USP50: variants seen among roughly 807,000 people sequenced by gnomAD.
USP50 encodes the protein ubiquitin specific peptidase 50, also known as ubiquitin carboxyl-terminal hydrolase 50.
A neutral mutation model predicts 39.2 loss-of-function variants in USP50; 37 were observed. That is an observed-to-expected ratio of 0.94 (90% CI 0.73 to 1.24). The LOEUF (loss-of-function observed/expected upper bound fraction) is 1.24, where lower values mean the gene tolerates loss of function less well. USP50 is among the 50% of genes most tolerant of loss of function. The pLI is 0.00. For missense variants in USP50, 374 were observed against 398.2 expected, an observed-to-expected ratio of 0.94 and a Z score of 0.52; for synonymous variants, 139 against 144.5, an observed-to-expected ratio of 0.96 and a Z score of 0.27.
rs759561708 is a variant in USP50 at position 50,541,119 on chromosome 15, C to T, written c.590G>A (p.Cys197Tyr). 8 of 1,613,776 alleles carry T rather than the reference C, an allele frequency of 5.0e-6. No homozygotes were observed. The East Asian group carries it at 1.6e-4, about 31-fold the overall frequency. ...AGTGAAGACTTCGTTCTTGTAGGTG[C>T]ATTTCTCACACTTTAAACATACGAT... ...YSIVCLKCEK[C>Y]TYKNEVFTVF... is the part of the protein sequence containing the mutation. The change falls in exon 4 of 7, where the codon TGC (cysteine) becomes TAC (tyrosine). Residue 197 changes from cysteine (C) to tyrosine (Y), a missense_variant. By Grantham distance (194) the Cys-to-Tyr change is radical. Transcript: ENST00000532404.
chr15:50,503,870 G>A (rs560802915), intron 6 of USP50: 1 of 152,250 alleles, frequency 6.6e-6, no homozygotes, highest in African/African-American at 2.4e-5. Context: ...TTTATCATAA[G>A]AGTCAGAAGG....
At chr15:50,511,463 C>A (rs935769401) in intron 6 of USP50, 2 of 152,130 alleles carry the variant, frequency 1.3e-5, no homozygotes, top group East Asian at 1.9e-4. Flanking sequence ...ACAGAAAATC[C>A]TGTACATAAA....
At chr15:50,506,830 C>CT (rs1330154454) in intron 6 of USP50, 25 of 151,636 alleles carry the variant, frequency 1.6e-4, no homozygotes, top group Non-Finnish European at 2.9e-4. Context: ...TGGTGGCAGG[C>CT]GCCTATAGTC....
At chr15:50,515,318 T>G (rs2052793118) in intron 6 of USP50, among the ~76,000 whole-genome samples, 1 of 152,162 alleles carries the variant, frequency 6.6e-6, no homozygotes, top group African/African-American at 2.4e-5. Flanking sequence ...CTCGGCTCAC[T>G]GCAACCTCTG....
chr15:50,507,576 GCTAC>G (rs954859008), intron 6 of USP50: 7 of 152,070 alleles, frequency 4.6e-5, no homozygotes, highest in Non-Finnish European at 1.0e-4. Flanking sequence ...ATTTGAAACT[GCTAC>G]CTACCTAACA....
chr15:50,493,896 T>C (rs996093162), downstream of USP50: 2 of 822,500 alleles, frequency 2.4e-6, no homozygotes, highest in African/African-American at 3.3e-5. Context: ...GCTGAAGGGA[T>C]GTAAGCAAGT....
rs1466251248 is a variant in USP50, at chr15:50,542,043, A to AT, written c.445-780dup. 5.7e-5 allele frequency among the ~76,000 whole-genome samples: 7 copies of AT among 122,742 alleles called. No individual in the cohort carries two copies. In the East Asian group the frequency reaches 1.3e-3, roughly 22 times the overall value. 80.5% of individuals were successfully genotyped at this position (122,742 alleles called of 152,430 possible). On this transcript the variant is annotated intron_variant, in intron 3 of 6. Coordinates refer to ENST00000532404, the MANE Select transcript of USP50 (RefSeq NM_203494.5). ...ACAAAATCCTGTCTCTACAAGGTTA[A>AT]TTAAAAAAAAAAAAAAAAGATAAGA... is the stretch of plus-strand genomic sequence containing the variant.
intron 6 of USP50, among the ~76,000 whole-genome samples, chr15:50,517,398 G>A (rs1822797860): frequency 6.6e-6 from 1 of 152,004 alleles, no homozygotes; most frequent in Non-Finnish European, 1.5e-5. Context: ...CTTGAACCTG[G>A]GAGGCAGAAG....
intron 6 of USP50, among the ~76,000 whole-genome samples, chr15:50,517,790 C>T (rs2052814962): frequency 6.6e-6 from 1 of 152,190 alleles, no homozygotes; most frequent in Non-Finnish European, 1.5e-5. Flanking sequence ...ATGATCATGG[C>T]TCACTGCAGC....
At chr15:50,540,752 T>C (rs1275230137) in intron 4 of USP50, among the ~76,000 whole-genome samples, 2 of 152,066 alleles carry the variant, frequency 1.3e-5, no homozygotes, top group African/African-American at 4.8e-5. Flanking sequence ...GTCTCCCAAA[T>C]AGCTGGGATT....
chr15:50,499,251 T>TAACA (rs2052527876), downstream of USP50: 1 of 534,370 alleles, frequency 1.9e-6, no homozygotes. Context: ...TGCTGACAAA[T>TAACA]AACATTTAAC....
At chr15:50,493,776 T>TAA (rs1213602944), downstream of USP50, 2 of 498,482 alleles carry the variant, frequency 4.0e-6, no homozygotes, top group East Asian at 8.7e-5. Flanking sequence ...CTCTGATTAG[T>TAA]AAAGGACAGA....
At position 50,523,149 on chromosome 15, in the gene USP50, C is replaced by CA. The variant is rs554530067; in HGVS notation, c.936+6647dup. Among the ~76,000 whole-genome samples, 468 of 138,480 alleles carry CA rather than the reference C, an allele frequency of 3.4e-3. 6 individuals carry two copies. Among genetic ancestry groups the CA allele is most frequent in the African/African-American group, 0.012 (455 of 37,964 alleles). 90.8% of individuals were successfully genotyped at this position (138,480 alleles called of 152,430 possible). ...ATGAATTCCATAAAGTTGCAGGATA[C>CA]AAAATCAACATATAAAAATCAGTAG... On this transcript the variant is annotated intron_variant, in intron 6 of 6. Coordinates refer to ENST00000532404, the MANE Select transcript of USP50 (RefSeq NM_203494.5).
At chr15:50,495,066 G>A (rs1264251571) in intron 1 of USP50, among the ~76,000 whole-genome samples, 4 of 150,210 alleles carry the variant, frequency 2.7e-5, no homozygotes, top group African/African-American at 9.8e-5. Flanking sequence ...TGACTCATGT[G>A]ACTAGTTATT....
intron 1 of USP50, 26 bp downstream of exon 1, chr15:50,546,447 G>C (rs778561530): frequency 1.2e-6 from 2 of 1,612,832 alleles, no homozygotes; most frequent in Non-Finnish European, 1.7e-6. Flanking sequence ...GGCTAATCTA[G>C]AAAGCTGTAG....
Position 50,541,252 on chromosome 15 carries a change from G to C in USP50, c.457C>G (p.Arg153Gly), listed in dbSNP as rs775703411. The C allele has an allele frequency of 6.2e-7, 1 of 1,613,326 alleles. No homozygotes were observed. Among genetic ancestry groups the C allele is most frequent in the East Asian group, 2.2e-5 (1 of 44,876 alleles). Residue 153 changes from arginine to glycine, a missense_variant, in exon 4 of 7, where the codon CGG becomes GGG. Physicochemically the swap from Arg to Gly is moderately radical, Grantham distance 125. Transcript: ENST00000532404. ...HEALKKYHYS[R>G]RRSYEKGSTQ... ...GATCCTTTCTCATATGATCTTCTCCGGGAGTAGTGGTACTGAATCAAGGAG... is the reference window on the plus strand; with the variant it reads ...GATCCTTTCTCATATGATCTTCTCCCGGAGTAGTGGTACTGAATCAAGGAG...
rs11292495 is a variant in USP50 at position 50,542,481 on chromosome 15, A to ATTTTTTTTTTTTTTTTTTTTTTTTTTTTT, written c.444+1116_444+1117insAAAAAAAAAAAAAAAAAAAAAAAAAAAAA. On this transcript the variant is annotated intron_variant, in intron 3 of 6. Transcript: ENST00000532404. ...GTTTTTGTTTTTTTTTTTCCTTTTC[A>ATTTTTTTTTTTTTTTTTTTTTTTTTTTTT]TTTTTTTTTTTTTTTTTTTTTCTTG... is the stretch of plus-strand genomic sequence containing the variant. 3.1e-5 allele frequency among the ~76,000 whole-genome samples: 3 copies of ATTTTTTTTTTTTTTTTTTTTTTTTTTTTT among 97,396 alleles called. 1 individual carries two copies. The highest frequency in any genetic ancestry group is 2.8e-4 in the Admixed American group (2 of 7,086). 63.9% of individuals were successfully genotyped at this position (97,396 alleles called of 152,430 possible).
At chr15:50,546,058 A>C (rs760611157) in intron 1 of USP50, among the ~76,000 whole-genome samples, 21 of 151,952 alleles carry the variant, frequency 1.4e-4, no homozygotes, top group Admixed American at 7.2e-4. Flanking sequence ...CTCTCCCTGC[A>C]CAGAGCTTCC....
At chr15:50,514,888 C>G (rs1467785369) in intron 6 of USP50, among the ~76,000 whole-genome samples, 2 of 149,424 alleles carry the variant, frequency 1.3e-5, no homozygotes, top group Non-Finnish European at 3.0e-5. Context: ...CCCAACCACT[C>G]AGGAGGCTGA....
Sources: allele counts gnomAD v4.1 joint callset (sites outside exome capture counted in the v4.1 genomes callset), GRCh38; gene constraint gnomAD v4.1.1; transcripts MANE v1.5; gene names NCBI Gene and HGNC (gene_info 2026-07-23, HGNC 2026-07-21).